Variants in ASIC2 observed in about 807,000 individuals in gnomAD.
ASIC2 encodes acid sensing ion channel subunit 2.
Under a neutral mutation model 57.3 loss-of-function variants are expected in ASIC2, and 25 were observed. That is an observed-to-expected ratio of 0.44 (90% confidence interval 0.32 to 0.61). The LOEUF (loss-of-function observed/expected upper bound fraction) is 0.61, where lower values mean the gene tolerates loss of function less well. Among genes scored for constraint, ASIC2 ranks in the 20% least tolerant of loss-of-function variants. The probability of loss-of-function intolerance (pLI) is 0.06; values close to 1 mark genes in which losing one functional copy is unlikely to be tolerated. For synonymous variants in ASIC2, 319 were observed against 307.5 expected (o/e 1.04, Z -0.39); for missense variants, 641 against 738.1 (o/e 0.87, Z 1.52).
intron 1 of ASIC2, among the ~76,000 whole-genome samples, chr17:33,975,682 T>C (rs2142000916): frequency 6.6e-6 from 1 of 152,284 alleles, no homozygotes; most frequent in South Asian, 2.1e-4. Context: ...CTCTCTGTTC[T>C]GGTCCCATCA....
chr17:33,728,287 A>G (rs9896023), intron 1 of ASIC2, among the ~76,000 whole-genome samples: 33,215 of 151,948 alleles, frequency 0.22, 5,404 homozygotes, highest in African/African-American at 0.46. Context: ...GACACGTTCT[A>G]CAGCATAAGG....
chr17:33,525,644 C>T (rs1597765619), intron 1 of ASIC2, among the ~76,000 whole-genome samples: 1 of 152,228 alleles, frequency 6.6e-6, no homozygotes, highest in African/African-American at 2.4e-5. Context: ...ATGCAAATAC[C>T]TCTGCATTAC....
chr17:33,932,361 T>G (rs1597936118), intron 1 of ASIC2, among the ~76,000 whole-genome samples: 1 of 152,140 alleles, frequency 6.6e-6, no homozygotes, highest in East Asian at 1.9e-4. Context: ...TTGTTTATAT[T>G]GATTGCATGT....
At chr17:33,062,548 C>T (rs971032638) in intron 3 of ASIC2, among the ~76,000 whole-genome samples, 5 of 152,178 alleles carry the variant, frequency 3.3e-5, no homozygotes, top group Non-Finnish European at 7.3e-5. Context: ...AATTTCTGTT[C>T]TTTTACACTT....
intron 1 of ASIC2, among the ~76,000 whole-genome samples, chr17:33,553,055 G>A (rs1371983424): frequency 6.6e-6 from 1 of 152,166 alleles, no homozygotes; most frequent in African/African-American, 2.4e-5. Flanking sequence ...GCTTAGGACT[G>A]GTCAAGAGAA....
At chr17:34,090,458 C>T (rs1373426581) in intron 1 of ASIC2, among the ~76,000 whole-genome samples, 6 of 124,360 alleles carry the variant, frequency 4.8e-5, no homozygotes, top group East Asian at 5.5e-4. Context: ...ACAACCATGC[C>T]GGTTGTGGTA....
intron 1 of ASIC2, among the ~76,000 whole-genome samples, chr17:34,075,365 C>G: frequency 6.6e-6 from 1 of 152,172 alleles, no homozygotes. Context: ...GCTGTGTGGC[C>G]ATGGATAAGT....
chr17:34,107,868 G>C (rs1367045649), intron 1 of ASIC2, among the ~76,000 whole-genome samples: 1 of 152,038 alleles, frequency 6.6e-6, no homozygotes, highest in African/African-American at 2.4e-5. Flanking sequence ...TTTATTATTA[G>C]CATGCATCCG....
intron 1 of ASIC2, among the ~76,000 whole-genome samples, chr17:33,431,255 T>C (rs978173515): frequency 2.0e-5 from 3 of 152,166 alleles, no homozygotes; most frequent in African/African-American, 7.2e-5. Flanking sequence ...AGAGTCCACA[T>C]ACTGATGAGA....
rs1212478384 is a variant in ASIC2, at chr17:34,036,676, ATTTGTTTTTTTT to A, written c.555+119290_555+119301del. The A allele has an allele frequency of 3.2e-3, 357 of 110,102 alleles. 3 individuals carry two copies. The highest frequency in any genetic ancestry group is 0.013 in the African/African-American group (348 of 26,434). 6.8% of individuals were successfully genotyped at this position (110,102 alleles called of 1,614,324 possible). On this transcript the variant is annotated intron_variant, in intron 1 of 9. Transcript: ENST00000359872. ...ACTGTATACTATATTGATACTTTGA[ATTTGTTTTTTTT>A]TTTTTTTTTTTTTTTTGCATGGACA...
chr17:33,977,427 C>T (rs902455103), intron 1 of ASIC2, among the ~76,000 whole-genome samples: 1 of 152,148 alleles, frequency 6.6e-6, no homozygotes, highest in Non-Finnish European at 1.5e-5. Context: ...CAAAAGTGAA[C>T]ATCAAAGCTC....
intron 1 of ASIC2, among the ~76,000 whole-genome samples, chr17:33,495,374 G>A (rs963408754): frequency 1.3e-5 from 2 of 152,300 alleles, no homozygotes; most frequent in African/African-American, 4.8e-5. Context: ...GGGCAAAGAA[G>A]CCATGTCCAA....
At chr17:33,754,437 G>T (rs1241717386) in intron 1 of ASIC2, among the ~76,000 whole-genome samples, 2 of 152,066 alleles carry the variant, frequency 1.3e-5, no homozygotes, top group Admixed American at 1.3e-4. Flanking sequence ...AGGCCCAGCA[G>T]CTCAGAGGTC....
intron 1 of ASIC2, among the ~76,000 whole-genome samples, chr17:33,676,214 C>G (rs1165129618): frequency 6.6e-6 from 1 of 152,058 alleles, no homozygotes; most frequent in South Asian, 2.1e-4. Context: ...AAATTGTTTC[C>G]CTGAGACACA....
At chr17:33,857,485 C>A (rs745885077) in intron 1 of ASIC2, among the ~76,000 whole-genome samples, 1 of 152,112 alleles carries the variant, frequency 6.6e-6, no homozygotes, top group African/African-American at 2.4e-5. Context: ...GACCCCTTTC[C>A]GCTCAGGATG....
intron 3 of ASIC2, among the ~76,000 whole-genome samples, chr17:33,055,099 C>T (rs189205778): frequency 4.1e-4 from 63 of 152,322 alleles, no homozygotes; most frequent in African/African-American, 1.5e-3. Flanking sequence ...GAATACAATG[C>T]AGGACAGTCT....
intron 1 of ASIC2, among the ~76,000 whole-genome samples, chr17:34,094,067 G>A (rs937981473): frequency 4.6e-5 from 7 of 152,210 alleles, no homozygotes; most frequent in African/African-American, 1.2e-4. Context: ...GAAGAAGAAC[G>A]AACTATAAAG....
rs767720094 is a variant in ASIC2, at chr17:33,980,105, AAAT to A, written c.555+175870_555+175872del. Reference sequence around the variant, plus strand: ...CTTCAAGCCAAGTCAGATAATAGGAAAATAATAATAATAATAAAGATAGAGACA... The same window carrying A: ...CTTCAAGCCAAGTCAGATAATAGGAAAATAATAATAATAAAGATAGAGACA... On this transcript the variant is annotated intron_variant, in intron 1 of 9. Transcript: ENST00000359872. Among the ~76,000 whole-genome samples the A allele has an allele frequency of 1.2e-4, 18 of 152,224 alleles. No homozygotes were observed. In the East Asian group the frequency reaches 2.7e-3, roughly 23 times the overall value.
At chr17:33,609,907 T>A (rs2142014743) in intron 1 of ASIC2, among the ~76,000 whole-genome samples, 1 of 151,232 alleles carries the variant, frequency 6.6e-6, no homozygotes, top group African/African-American at 2.4e-5. Flanking sequence ...GGGGGGAAAA[T>A]AAGAACCAGA....
Sources: gnomAD v4.1 joint callset for allele counts (sites outside exome capture counted in the v4.1 genomes callset) on GRCh38, gnomAD v4.1.1 for gene constraint, MANE v1.5 for transcripts, NCBI Gene and HGNC (gene_info 2026-07-23, HGNC 2026-07-21) for gene names.